The following TUSC3 variants were observed in gnomAD, a reference collection of about 807,000 sequenced individuals.
TUSC3 encodes the protein tumor suppressor candidate 3.
Under a neutral mutation model 44.8 loss-of-function variants are expected in TUSC3, and 45 were observed. The observed-to-expected ratio is 1.00, with a 90% CI of 0.79 to 1.29. The LOEUF (loss-of-function observed/expected upper bound fraction) is 1.29. Among genes scored for constraint, TUSC3 ranks in the 50% most tolerant of loss-of-function variants. The pLI is 0.00. For missense variants in TUSC3, 519 were observed against 437.9 expected (o/e 1.19, Z -1.65); for synonymous variants, 212 against 152.9 (o/e 1.39, Z -2.85).
intron 1 of TUSC3, among the ~76,000 whole-genome samples, chr8:15,461,416 A>C (rs1800343157): frequency 6.6e-6 from 1 of 152,082 alleles, no homozygotes; most frequent in East Asian, 1.9e-4. Context: ...TTCTTTTATC[A>C]GTTCTAGGGG....
intron 7 of TUSC3, among the ~76,000 whole-genome samples, chr8:15,738,827 C>CTTTTTTTTTTCTTTTTTTTTTTTTTT (rs1373248681): frequency 1.1e-5 from 1 of 87,172 alleles, no homozygotes; most frequent in Non-Finnish European, 2.1e-5. Flanking sequence ...ATATATCTTG[C>CTTTTTTTTTTCTTTTTTTTTTTTTTT]TTTTTTTTTT....
chr8:15,781,548 T>C, the TUSC3 span, among the ~76,000 whole-genome samples: 1 of 151,844 alleles, frequency 6.6e-6, no homozygotes, highest in Non-Finnish European at 1.5e-5. Context: ...ACAGAAACCT[T>C]GCAGGCCAGA....
At position 15,633,961 on chromosome 8, in the gene TUSC3, C is replaced by G. The variant is rs897270703; in HGVS notation, c.308+10712C>G. Among the ~76,000 whole-genome samples, 14 of 152,144 alleles carry G rather than the reference C, an allele frequency of 9.2e-5. No homozygotes were observed. The East Asian group carries it at 1.2e-3, about 13-fold the overall frequency. On this transcript the variant is annotated intron_variant, in intron 2 of 10. Coordinates refer to ENST00000503731, the MANE Select transcript of TUSC3 (RefSeq NM_006765.4). ...CCACAAGGGATGCATAAACACAAGT[C>G]AAATATCCCTCTGGGTCAGCTCCCC...
the TUSC3 span, among the ~76,000 whole-genome samples, chr8:15,819,075 T>A: frequency 3.9e-5 from 6 of 151,956 alleles, no homozygotes; most frequent in Admixed American, 3.9e-4. Context: ...AAAAAAAAAA[T>A]TATTTTATCT....
the TUSC3 span, among the ~76,000 whole-genome samples, chr8:15,791,206 T>G: frequency 6.6e-6 from 1 of 152,042 alleles, no homozygotes; most frequent in Non-Finnish European, 1.5e-5. Context: ...TAGTTGCTGA[T>G]GTAATGATGA....
At chr8:15,561,782 C>A (rs1319614233) in intron 1 of TUSC3, 2 of 151,256 alleles carry the variant, frequency 1.3e-5, no homozygotes, top group Non-Finnish European at 3.0e-5. Flanking sequence ...TGCCGTCCGT[C>A]ACCCCTTTCT....
chr8:15,832,530 A>G, the TUSC3 span, among the ~76,000 whole-genome samples: 4 of 152,318 alleles, frequency 2.6e-5, no homozygotes, highest in South Asian at 8.3e-4. Context: ...TGCTGTCTTC[A>G]AGAGACCCAT....
At chr8:15,588,467 T>A (rs190499009) in intron 1 of TUSC3, among the ~76,000 whole-genome samples, 7 of 152,312 alleles carry the variant, frequency 4.6e-5, no homozygotes, top group Admixed American at 3.3e-4. Flanking sequence ...TCGTTCCTTG[T>A]TGGATGAATA....
intron 1 of TUSC3, among the ~76,000 whole-genome samples, chr8:15,574,615 T>C (rs1402110736): frequency 6.6e-6 from 1 of 152,134 alleles, no homozygotes; most frequent in African/African-American, 2.4e-5. Flanking sequence ...AGTTGGTAAT[T>C]TTTCTGATAA....
chr8:15,518,394 TAG>T (rs1400972334), intron 2 of TUSC3, among the ~76,000 whole-genome samples: 1 of 152,030 alleles, frequency 6.6e-6, no homozygotes, highest in Non-Finnish European at 1.5e-5. Flanking sequence ...AAATGGAAAA[TAG>T]AAAAATAGTA....
intron 1 of TUSC3, among the ~76,000 whole-genome samples, chr8:15,620,211 A>C (rs1355221866): frequency 6.6e-6 from 1 of 152,214 alleles, no homozygotes; most frequent in Non-Finnish European, 1.5e-5. Context: ...TCACACTCTA[A>C]TATATTAATA....
At chr8:15,552,588 A>G (rs1390823002) in intron 1 of TUSC3, among the ~76,000 whole-genome samples, 1 of 151,756 alleles carries the variant, frequency 6.6e-6, no homozygotes, top group Non-Finnish European at 1.5e-5. Flanking sequence ...CCAGCATATG[A>G]AAAAACACAG....
intron 6 of TUSC3, among the ~76,000 whole-genome samples, chr8:15,679,927 G>T (rs915786419): frequency 1.3e-5 from 2 of 151,970 alleles, no homozygotes; most frequent in African/African-American, 2.4e-5. Context: ...GTCGTCTATT[G>T]TGTTCCATTG....
intron 3 of TUSC3, among the ~76,000 whole-genome samples, chr8:15,654,057 C>T (rs1807038371): frequency 2.0e-5 from 3 of 152,102 alleles, no homozygotes. Context: ...CTATGTTGTG[C>T]TCTGCTGTGG....
chr8:15,647,819 T>C (rs1478285801), intron 2 of TUSC3, among the ~76,000 whole-genome samples: 1 of 152,228 alleles, frequency 6.6e-6, no homozygotes, highest in Non-Finnish European at 1.5e-5. Context: ...AATAATATTC[T>C]GAAGGAATTC....
intron 1 of TUSC3, among the ~76,000 whole-genome samples, chr8:15,462,051 G>C (rs752893458): frequency 2.2e-4 from 34 of 152,014 alleles, no homozygotes; most frequent in Non-Finnish European, 4.4e-4. Context: ...CCTGGATTCT[G>C]TGAAATATCA....
At chr8:15,600,833 G>A (rs1396422815) in intron 1 of TUSC3, among the ~76,000 whole-genome samples, 1 of 151,626 alleles carries the variant, frequency 6.6e-6, no homozygotes, top group African/African-American at 2.4e-5. Context: ...TTTATTCTTT[G>A]TAGATTGGTT....
chr8:15,552,559 A>G lies in TUSC3; in HGVS notation c.138+11991A>G, dbSNP rs142822050. Among the ~76,000 whole-genome samples the G allele has an allele frequency of 5.9e-3, 893 of 151,908 alleles. 28 individuals are homozygous for G. The highest frequency in any genetic ancestry group is 0.014 in the Middle Eastern group (4 of 294). On this transcript the variant is annotated intron_variant, in intron 1 of 10. Coordinates refer to ENST00000503731, the MANE Select transcript of TUSC3 (RefSeq NM_006765.4). ...TAACCCAGTGAAGAGGGCGAGTGCT[A>G]AACAGCACTGGTAAAGGTCCAGCAT...
At chr8:15,777,025 C>T in the TUSC3 span, among the ~76,000 whole-genome samples, 2 of 151,882 alleles carry the variant, frequency 1.3e-5, no homozygotes, top group Non-Finnish European at 2.9e-5. Flanking sequence ...GTTGTGAAAT[C>T]CAAAAAATGT....
Sources: allele counts gnomAD v4.1 joint callset (sites outside exome capture counted in the v4.1 genomes callset), GRCh38; gene constraint gnomAD v4.1.1; transcripts MANE v1.5; gene names NCBI Gene and HGNC (gene_info 2026-07-23, HGNC 2026-07-21).